Variants in CADM1 observed in about 807,000 individuals in gnomAD.
CADM1 encodes cell adhesion molecule 1, also known as TSLC-1.
CADM1 carries 15 observed loss-of-function variants against 53.1 expected under a neutral mutation model. The ratio of observed to expected loss-of-function variants is 0.28; its 90% CI spans 0.19 to 0.44. CADM1 has a LOEUF of 0.44. Among genes scored for constraint, CADM1 ranks in the 20% least tolerant of loss-of-function variants. CADM1 has a pLI of 1.00. For synonymous variants in CADM1, 281 were observed against 243.0 expected (o/e 1.16, Z -1.45); for missense variants, 434 against 611.3 (o/e 0.71, Z 3.06).
chr11:115,282,658 A>G (rs532647196), intron 1 of CADM1, among the ~76,000 whole-genome samples: 1 of 152,182 alleles, frequency 6.6e-6, no homozygotes, highest in South Asian at 2.1e-4. Context: ...GTGTTGTTAG[A>G]GGAGACAGAT....
At chr11:115,410,830 A>G (rs554884059) in intron 1 of CADM1, among the ~76,000 whole-genome samples, 1 of 152,322 alleles carries the variant, frequency 6.6e-6, no homozygotes, top group East Asian at 1.9e-4. Flanking sequence ...GCTCGCATAC[A>G]CAGAACCATG....
At chr11:115,190,798 G>A (rs894919825) in intron 10 of CADM1, 90 bp downstream of exon 10, 2 of 1,075,162 alleles carry the variant, frequency 1.9e-6, no homozygotes, top group Non-Finnish European at 2.7e-6. Flanking sequence ...CACACTGATT[G>A]CTCAGCAAAC....
At chr11:115,434,851 A>T (rs979339688) in intron 1 of CADM1, among the ~76,000 whole-genome samples, 1 of 110,622 alleles carries the variant, frequency 9.0e-6, no homozygotes, top group African/African-American at 2.8e-5. Context: ...TTATTTTATT[A>T]TTATTATTAT....
At chr11:115,338,664 C>G (rs1047425096) in intron 1 of CADM1, among the ~76,000 whole-genome samples, 1 of 152,124 alleles carries the variant, frequency 6.6e-6, no homozygotes, top group Non-Finnish European at 1.5e-5. Context: ...CTGGTTATAG[C>G]ATCCCTACTG....
chr11:115,320,818 A>G (rs1034466597), intron 1 of CADM1, among the ~76,000 whole-genome samples: 2 of 152,136 alleles, frequency 1.3e-5, no homozygotes, highest in Admixed American at 1.3e-4. Context: ...AATATAGGGG[A>G]AAAATCAATA....
At chr11:115,446,210 C>T (rs1948447787) in intron 1 of CADM1, among the ~76,000 whole-genome samples, 1 of 152,098 alleles carries the variant, frequency 6.6e-6, no homozygotes, top group East Asian at 1.9e-4. Context: ...CCTTACTCCT[C>T]ATCAGAATAC....
intron 1 of CADM1, among the ~76,000 whole-genome samples, chr11:115,250,104 T>C (rs943255678): frequency 2.6e-5 from 4 of 152,070 alleles, no homozygotes; most frequent in Non-Finnish European, 4.4e-5. Flanking sequence ...GAGGTTTCAC[T>C]GTGTTAGCCA....
chr11:115,382,092 G>A (rs537969332), intron 1 of CADM1, among the ~76,000 whole-genome samples: 11 of 152,200 alleles, frequency 7.2e-5, no homozygotes, highest in East Asian at 5.8e-4. Context: ...TGATCCACCC[G>A]CCTCGGCCTC....
intron 1 of CADM1, among the ~76,000 whole-genome samples, chr11:115,430,358 A>G (rs912577620): frequency 1.3e-5 from 2 of 152,212 alleles, no homozygotes; most frequent in African/African-American, 4.8e-5. Context: ...TCAAAACTTC[A>G]TTTGTTACTT....
chr11:115,314,269 G>A (rs1464217190), intron 1 of CADM1, among the ~76,000 whole-genome samples: 3 of 152,054 alleles, frequency 2.0e-5, no homozygotes, highest in African/African-American at 4.8e-5. Flanking sequence ...GACACTGGGG[G>A]AGAGAAGAAC....
intron 1 of CADM1, among the ~76,000 whole-genome samples, chr11:115,381,211 T>C (rs1263162634): frequency 6.6e-6 from 1 of 151,834 alleles, no homozygotes; most frequent in Non-Finnish European, 1.5e-5. Context: ...GGAGAATCAC[T>C]TGAACCTCGG....
At chr11:115,233,183 C>T (rs1941886326) in intron 3 of CADM1, among the ~76,000 whole-genome samples, 1 of 152,102 alleles carries the variant, frequency 6.6e-6, no homozygotes, top group South Asian at 2.1e-4. Flanking sequence ...CAAAGGATCC[C>T]TCTTCTTTGT....
chr11:115,297,500 A>G (rs1420103386), intron 1 of CADM1, among the ~76,000 whole-genome samples: 9 of 152,246 alleles, frequency 5.9e-5, no homozygotes, highest in Admixed American at 5.9e-4. Flanking sequence ...AAACAGATCC[A>G]CTGCCAGCTA....
chr11:115,438,186 T>A (rs1948225351), intron 1 of CADM1, among the ~76,000 whole-genome samples: 1 of 152,168 alleles, frequency 6.6e-6, no homozygotes, highest in Non-Finnish European at 1.5e-5. Context: ...TAACAGGCAA[T>A]AATCATCCTA....
chr11:115,418,248 C>T (rs1192950410), intron 1 of CADM1, among the ~76,000 whole-genome samples: 2 of 152,074 alleles, frequency 1.3e-5, no homozygotes, highest in Non-Finnish European at 2.9e-5. Context: ...AATGAAACTT[C>T]TTTAATAGTA....
At chr11:115,295,560 TATATGC>T (rs1231646415) in intron 1 of CADM1, among the ~76,000 whole-genome samples, 1 of 134,832 alleles carries the variant, frequency 7.4e-6, no homozygotes, top group Non-Finnish European at 1.6e-5. Context: ...AATATATATG[TATATGC>T]ACATATATAA....
intron 1 of CADM1, among the ~76,000 whole-genome samples, chr11:115,431,124 C>T (rs1033418742): frequency 6.6e-6 from 1 of 151,808 alleles, no homozygotes; most frequent in Admixed American, 6.6e-5. Flanking sequence ...CTAAATGGCA[C>T]AAAAAAAGTA....
intron 3 of CADM1, among the ~76,000 whole-genome samples, chr11:115,236,771 C>T (rs566245379): frequency 4.4e-4 from 67 of 152,114 alleles, no homozygotes; most frequent in African/African-American, 1.5e-3. Flanking sequence ...CAAAAGCATT[C>T]GGTATTTAAC....
At chr11:115,179,342 C>T (rs1939200618) in intron 10 of CADM1, among the ~76,000 whole-genome samples, 1 of 152,144 alleles carries the variant, frequency 6.6e-6, no homozygotes, top group African/African-American at 2.4e-5. Flanking sequence ...AAGGAGTAAG[C>T]CTCAATTTAA....
Sources: gnomAD v4.1 joint callset for allele counts (sites outside exome capture counted in the v4.1 genomes callset) on GRCh38, gnomAD v4.1.1 for gene constraint, MANE v1.5 for transcripts, NCBI Gene and HGNC (gene_info 2026-07-23, HGNC 2026-07-21) for gene names.